Variants in TRIM69 observed in about 807,000 individuals in gnomAD.
TRIM69 encodes tripartite motif containing 69, also known as E3 ubiquitin-protein ligase TRIM69.
In TRIM69, 29 loss-of-function variants were observed where a neutral mutation model predicts 37.7. The ratio of observed to expected loss-of-function variants is 0.77; its 90% confidence interval spans 0.57 to 1.05. TRIM69 has a LOEUF of 1.05. Among genes scored for constraint, TRIM69 ranks in the 50% least tolerant of loss-of-function variants. The pLI is 0.00. For missense variants in TRIM69, 596 were observed against 579.9 expected, an observed-to-expected ratio of 1.03 and a Z score of -0.28; for synonymous variants, 209 against 212.4, an observed-to-expected ratio of 0.98 and a Z score of 0.14.
intron 6 of TRIM69, among the ~76,000 whole-genome samples, chr15:44,763,691 T>C (rs1179198754): frequency 2.0e-5 from 3 of 152,220 alleles, no homozygotes; most frequent in Non-Finnish European, 2.9e-5. Flanking sequence ...TGAATTCATA[T>C]TGGTGAATTT....
chr15:44,762,179 G>T (rs1239203957), intron 6 of TRIM69, among the ~76,000 whole-genome samples: 5 of 152,088 alleles, frequency 3.3e-5, no homozygotes, highest in African/African-American at 1.2e-4. Flanking sequence ...TGTTAGCCAG[G>T]ATGGTCTCGA....
In TRIM69 at chr15:44,767,450, T is replaced by A. The variant is rs768007311; in HGVS notation, c.1181T>A (p.Val394Asp). Residue 394 changes from valine (V) to aspartate (D), a missense_variant, in exon 7 of 7, where the codon GTT becomes GAT. Physicochemically the swap from Val to Asp is radical, Grantham distance 152. Transcript: ENST00000329464. Reference protein sequence around the residue: ...VAKKTKWTVGVVRESIIRKGS... With the variant: ...VAKKTKWTVGDVRESIIRKGS... ...AAGAAGACAAAATGGACAGTTGGAG[T>A]TGTCAGAGAATCCATCATTCGGAAG... The A allele has an allele frequency of 1.9e-6, 3 of 1,613,798 alleles. No homozygotes were observed. The highest frequency in any genetic ancestry group is 2.5e-6 in the Non-Finnish European group (3 of 1,179,950).
chr15:44,751,404 C>T (rs2087527626), intron 1 of TRIM69, among the ~76,000 whole-genome samples: 1 of 152,076 alleles, frequency 6.6e-6, no homozygotes, highest in Admixed American at 6.5e-5. Flanking sequence ...GCATGAGCCA[C>T]CACACCTGGC....
chr15:44,748,984 G>A (rs1489182401), intron 1 of TRIM69, among the ~76,000 whole-genome samples: 4 of 151,874 alleles, frequency 2.6e-5, no homozygotes, highest in South Asian at 2.1e-4. Context: ...AGGTTCAAGC[G>A]ATTCTCCAGC....
intron 6 of TRIM69, among the ~76,000 whole-genome samples, chr15:44,761,798 C>T (rs2087781554): frequency 6.6e-6 from 1 of 152,110 alleles, no homozygotes. Flanking sequence ...GTTGAGCGTC[C>T]TTTCAGGTGC....
intron 6 of TRIM69, among the ~76,000 whole-genome samples, chr15:44,760,758 C>A (rs1336397738): frequency 6.6e-6 from 1 of 152,124 alleles, no homozygotes; most frequent in Non-Finnish European, 1.5e-5. Flanking sequence ...CCAAAAAGTT[C>A]CTACATGCCC....
intron 1 of TRIM69, among the ~76,000 whole-genome samples, chr15:44,745,241 T>C (rs531785677): frequency 6.6e-6 from 1 of 152,284 alleles, no homozygotes; most frequent in South Asian, 2.1e-4. Flanking sequence ...TTGTTGTTGT[T>C]GTTTGATTTG....
At chr15:44,740,318 G>C (rs1332240936) in intron 1 of TRIM69, among the ~76,000 whole-genome samples, 2 of 152,252 alleles carry the variant, frequency 1.3e-5, no homozygotes, top group African/African-American at 4.8e-5. Context: ...CTAAAAAGCA[G>C]AGCGCCTCTC....
At chr15:44,765,353 CA>C (rs2087863119) in intron 6 of TRIM69, among the ~76,000 whole-genome samples, 1 of 152,052 alleles carries the variant, frequency 6.6e-6, no homozygotes, top group African/African-American at 2.4e-5. Context: ...ATGGTACCTC[CA>C]AAGAAAACCC....
At chr15:44,744,302 G>A (rs2141313239) in intron 1 of TRIM69, among the ~76,000 whole-genome samples, 1 of 111,402 alleles carries the variant, frequency 9.0e-6, no homozygotes, top group East Asian at 2.9e-4. Context: ...TCTGGGGACT[G>A]TTGTGGGGTG....
intron 1 of TRIM69, among the ~76,000 whole-genome samples, chr15:44,750,127 C>T (rs1318006984): frequency 6.6e-6 from 1 of 152,008 alleles, no homozygotes; most frequent in Non-Finnish European, 1.5e-5. Flanking sequence ...GATAATAGAC[C>T]TTATCTGGTA....
rs112962726 is a variant in TRIM69 at position 44,756,123 on chromosome 15, C to T, written c.484-245C>T. 3.3e-3 allele frequency among the ~76,000 whole-genome samples: 507 copies of T among 152,164 alleles called. 2 individuals are homozygous for T. The highest frequency in any genetic ancestry group is 0.012 in the African/African-American group (484 of 41,510). On this transcript the variant is annotated intron_variant, in intron 2 of 6. Transcript: ENST00000329464. ...CCCAGGCTGGTCTCAAACTCCTGGG[C>T]CCAAGTGATCCTCCCATCTCAGTCT...
intron 3 of TRIM69, chr15:44,756,757 T>G: frequency 6.2e-6 from 1 of 162,600 alleles, no homozygotes; most frequent in Non-Finnish European, 1.1e-5. Context: ...TGGCTTTATC[T>G]ATGGCAAAAA....
intron 1 of TRIM69, among the ~76,000 whole-genome samples, chr15:44,740,206 A>T (rs987117080): frequency 6.6e-6 from 1 of 152,230 alleles, no homozygotes; most frequent in Non-Finnish European, 1.5e-5. Flanking sequence ...AACAGAAAGG[A>T]CATCCATACC....
In TRIM69 at chr15:44,759,814, G is replaced by A. The variant is rs144447354; in HGVS notation, c.903G>A (p.Gln301=). ...TTTCCAGAAAGCTGAACCTGGGCCAGTACAAAGGTCCTATCCAGTACATGG... is the reference window on the plus strand; with the variant it reads ...TTTCCAGAAAGCTGAACCTGGGCCAATACAAAGGTCCTATCCAGTACATGG... ...ELISRKLNLG[Q]YKGPIQYMVW... Residue 301 remains glutamine (Q), a synonymous_variant, in exon 6 of 7, where the codon CAG becomes CAA. Transcript: ENST00000329464. The A allele has an allele frequency of 6.2e-7, 1 of 1,614,194 alleles. No homozygotes were observed. Among genetic ancestry groups the A allele is most frequent in the Admixed American group, 1.7e-5 (1 of 60,030 alleles).
chr15:44,760,796 C>T lies in TRIM69; in HGVS notation c.961+924C>T, dbSNP rs2087758182. 2.0e-5 allele frequency among the ~76,000 whole-genome samples: 3 copies of T among 152,292 alleles called. No homozygotes were observed. In the South Asian group the frequency reaches 6.2e-4, roughly 32 times the overall value. On this transcript the variant is annotated intron_variant, in intron 6 of 6. Coordinates refer to ENST00000329464, the MANE Select transcript of TRIM69 (RefSeq NM_182985.5). ...TTGAAATCAATCTCTTCCTTCTACT[C>T]TCAGCCTCTAACATTCACTGACATG...
chr15:44,750,592 CTTTCA>C (rs1349054813), intron 1 of TRIM69, among the ~76,000 whole-genome samples: 1 of 151,722 alleles, frequency 6.6e-6, no homozygotes, highest in East Asian at 1.9e-4. Context: ...AATTTACCCA[CTTTCA>C]TTTCTGATTT....
At chr15:44,758,925 C>T (rs980828211) in intron 4 of TRIM69, 71 bp downstream of exon 4, 144 of 1,514,254 alleles carry the variant, frequency 9.5e-5, no homozygotes, top group Non-Finnish European at 1.2e-4. Flanking sequence ...GGAAAGAATG[C>T]GGAAGTGGCT....
chr15:44,737,266 G>A (rs548723073), intron 1 of TRIM69, among the ~76,000 whole-genome samples: 93 of 152,204 alleles, frequency 6.1e-4, no homozygotes, highest in Non-Finnish European at 1.3e-3. Context: ...TGAATCCTGA[G>A]TTATCATCCA....
Sources: allele counts gnomAD v4.1 joint callset (sites outside exome capture counted in the v4.1 genomes callset), GRCh38; gene constraint gnomAD v4.1.1; transcripts MANE v1.5; gene names NCBI Gene and HGNC (gene_info 2026-07-23, HGNC 2026-07-21).